Variants in DMBT1 observed in about 807,000 individuals in gnomAD.
DMBT1 encodes deleted in malignant brain tumors 1, also known as scavenger receptor cysteine-rich domain-containing protein DMBT1.
A neutral mutation model predicts 252.9 loss-of-function variants in DMBT1; 198 were observed. The ratio of observed to expected loss-of-function variants is 0.78; its 90% CI spans 0.70 to 0.88. The LOEUF (loss-of-function observed/expected upper bound fraction) is 0.88, where lower values mean the gene tolerates loss of function less well. Among genes scored for constraint, DMBT1 ranks in the 40% least tolerant of loss-of-function variants. The pLI, the probability that DMBT1 is intolerant of heterozygous loss-of-function variation, is 0.00. For synonymous variants in DMBT1, 990 were observed against 942.7 expected (o/e 1.05, Z -0.92); for missense variants, 2,432 against 2,404.7 (o/e 1.01, Z -0.24).
intron 20 of DMBT1, 118 bp downstream of exon 20, chr10:122,592,713 A>T: frequency 6.7e-7 from 1 of 1,491,076 alleles, no homozygotes; most frequent in Non-Finnish European, 9.0e-7. Flanking sequence ...ATATTTATGT[A>T]GTCTTGTTAG....
At chr10:122,618,375 G>A in intron 41 of DMBT1, 35 bp downstream of exon 41, 4 of 1,613,594 alleles carry the variant, frequency 2.5e-6, no homozygotes, top group South Asian at 1.1e-5. Flanking sequence ...CCTCTCTTAA[G>A]TTGAAGTTTG....
Position 122,630,273 on chromosome 10 carries a change from A to C in DMBT1, c.5823-15A>C. The stretch of plus-strand genomic sequence containing the variant: ...GGAATTTCAATGTTGACTTGAATAC[A>C]TTTTCTCCATACAGATTGGAGGCAC... On this transcript the variant is annotated splice_polypyrimidine_tract_variant and intron_variant, in intron 47 of 55. Transcript: ENST00000338354. 6.2e-7 allele frequency: 1 copy of C among 1,609,476 alleles called. No individual in the cohort carries two copies.
In DMBT1 at chr10:122,586,160, T is replaced by C. The variant is rs755558205; in HGVS notation, c.1560T>C (p.Asp520=). The change falls in exon 16 of 56, where the codon GAT becomes GAC. Residue 520 remains aspartate (D), a synonymous_variant. Transcript: ENST00000338354. ...GAGGCTCCTGGGGCACCGTGTGTGA[T>C]GACAGCTGGGACACCAATGATGCCA... ...LYRGSWGTVC[D]DSWDTNDANV... is the part of the protein sequence containing the mutation. 1.9e-6 allele frequency: 3 copies of C among 1,589,318 alleles called. No homozygotes were observed. Among genetic ancestry groups the C allele is most frequent in the Non-Finnish European group, 2.6e-6 (3 of 1,166,134 alleles).
At chr10:122,561,968 T>G (rs1031694486) in intron 1 of DMBT1, among the ~76,000 whole-genome samples, 21 of 151,892 alleles carry the variant, frequency 1.4e-4, no homozygotes, top group Non-Finnish European at 5.9e-5. Flanking sequence ...TCTCTCTCTA[T>G]CTGTTTCTCT....
chr10:122,617,564 A>C (rs920160699), intron 40 of DMBT1, among the ~76,000 whole-genome samples: 3 of 151,548 alleles, frequency 2.0e-5, no homozygotes, highest in African/African-American at 7.3e-5. Flanking sequence ...CCCTCTGACC[A>C]CGCACTGCAG....
At position 122,586,281 on chromosome 10, in the gene DMBT1, G is replaced by A. The variant is rs183424253; in HGVS notation, c.1681G>A (p.Val561Met). Residue 561 changes from valine to methionine, a missense_variant, in exon 16 of 56, where the codon GTG becomes ATG. By Grantham distance (21) the Val-to-Met change is conservative. Coordinates refer to ENST00000338354, the MANE Select transcript of DMBT1 (RefSeq NM_001377530.1). ...CTCAGGACCCATTGTCCTGGATGAC[G>A]TGCGCTGCTCAGGGAATGAGTCCTA... ...QGSGPIVLDD[V>M]RCSGNESYLW... is the part of the protein sequence containing the mutation. 107 of 1,588,698 alleles carry A rather than the reference G, an allele frequency of 6.7e-5. 1 individual carries two copies. In the African/African-American group the frequency reaches 1.2e-3, roughly 18 times the overall value.
chr10:122,600,089 T>C lies in DMBT1; in HGVS notation c.3306T>C (p.Ser1102=), dbSNP rs535950821. ...CTTCCCAGTCCCGGCCAACACCTAG[T>C]CCAGGTGGGTCCCCAGTGTCCTTCC... The part of the protein sequence containing the change: ...CSASQSRPTP[S]PDTWPTSHAS... Residue 1102 remains serine (S), a synonymous_variant, in exon 27 of 56, where the codon AGT becomes AGC. Transcript: ENST00000338354. The C allele has an allele frequency of 2.0e-5, 32 of 1,604,916 alleles. 3 individuals carry two copies. Among genetic ancestry groups the C allele is most frequent in the South Asian group, 1.2e-4 (11 of 89,930 alleles).
chr10:122,634,396 C>CT (rs1023651409), intron 52 of DMBT1, among the ~76,000 whole-genome samples: 1 of 133,654 alleles, frequency 7.5e-6, no homozygotes, highest in Non-Finnish European at 1.6e-5. Flanking sequence ...TTCTTTCTTT[C>CT]TTTCTTTTCT....
Position 122,630,269 on chromosome 10 carries a change from A to T in DMBT1, c.5823-19A>T. On this transcript the variant is annotated intron_variant, in intron 47 of 55. Transcript: ENST00000338354. Reference sequence around the variant, plus strand: ...AATAGGAATTTCAATGTTGACTTGAATACATTTTCTCCATACAGATTGGAG... The same window carrying T: ...AATAGGAATTTCAATGTTGACTTGATTACATTTTCTCCATACAGATTGGAG... 1 of 1,607,154 alleles carries T rather than the reference A, an allele frequency of 6.2e-7. No homozygotes were observed. The highest frequency in any genetic ancestry group is 8.5e-7 in the Non-Finnish European group (1 of 1,173,844).
chr10:122,576,778 A>G (rs755005359), intron 7 of DMBT1, 56 bp downstream of exon 7: 44 of 1,602,464 alleles, frequency 2.7e-5, no homozygotes, highest in Non-Finnish European at 3.2e-5. Context: ...TTTAATCCCC[A>G]CACTTTGGGA....
chr10:122,588,180 C>T (rs765083558), intron 16 of DMBT1, among the ~76,000 whole-genome samples: 2 of 148,684 alleles, frequency 1.3e-5, no homozygotes, highest in East Asian at 2.1e-4. Context: ...AATCTTCTCA[C>T]CCCCACTAGG....
chr10:122,625,245 G>A (rs1323190587), intron 44 of DMBT1, 32 bp from the exon 45 acceptor site: 2 of 1,606,430 alleles, frequency 1.2e-6, no homozygotes, highest in Non-Finnish European at 1.7e-6. Context: ...TGGGCACTGG[G>A]ACTGACTCAT....
At chr10:122,592,716 C>T in intron 20 of DMBT1, 121 bp downstream of exon 20, 1 of 1,475,354 alleles carries the variant, frequency 6.8e-7, no homozygotes, top group Non-Finnish European at 9.1e-7. Context: ...TTTATGTAGT[C>T]TTGTTAGCTC....
intron 51 of DMBT1, 88 bp from the exon 52 acceptor site, chr10:122,633,103 T>A: frequency 6.6e-7 from 1 of 1,526,256 alleles, no homozygotes; most frequent in Non-Finnish European, 8.8e-7. Flanking sequence ...TATAAAATTT[T>A]AAAGTAATTT....
chr10:122,590,807 AT>A, intron 18 of DMBT1, 113 bp downstream of exon 18: 2 of 1,319,856 alleles, frequency 1.5e-6, no homozygotes, highest in Non-Finnish European at 2.1e-6. Context: ...GGGTCATACT[AT>A]TTTCCCTGCT....
chr10:122,639,419 T>G (rs75876615), intron 54 of DMBT1, among the ~76,000 whole-genome samples: 1 of 151,524 alleles, frequency 6.6e-6, no homozygotes, highest in Non-Finnish European at 1.5e-5. Context: ...CGAAGAGAGA[T>G]AGGGGTGGGG....
intron 50 of DMBT1, 97 bp from the exon 51 acceptor site, chr10:122,632,764 C>T: frequency 6.6e-7 from 1 of 1,518,964 alleles, no homozygotes; most frequent in Non-Finnish European, 9.0e-7. Context: ...TCCCTGTGGA[C>T]TCAGGCTTGG....
Position 122,643,132 on chromosome 10 carries a change from G to A in DMBT1, c.7363G>A (p.Asp2455Asn), listed in dbSNP as rs1448278192. Residue 2455 changes from aspartate to asparagine, a missense_variant, in exon 56 of 56, where the codon GAT (aspartate) becomes AAT (asparagine). Physicochemically the swap from Asp to Asn is conservative, Grantham distance 23. Around this residue, in one of 3 missense-constraint regions of DMBT1, gnomAD observed 1,162 missense variants for 1,169.0 expected, o/e 0.99. Coordinates refer to ENST00000338354, the MANE Select transcript of DMBT1 (RefSeq NM_001377530.1). ...ACTGTTCTCTTCCAGATGCGTGAGG[G>A]ATGACACCTACGGACCCTACTCCTC... is the stretch of plus-strand genomic sequence containing the variant. Reference protein sequence around the residue: ...YDLIRSGCVRDDTYGPYSSPS... With the variant: ...YDLIRSGCVRNDTYGPYSSPS... 3.1e-6 allele frequency: 5 copies of A among 1,613,646 alleles called. No individual in the cohort carries two copies. Among genetic ancestry groups the A allele is most frequent in the Non-Finnish European group, 4.2e-6 (5 of 1,179,748 alleles).
At chr10:122,634,559 C>T (rs573255110) in intron 52 of DMBT1, among the ~76,000 whole-genome samples, 9 of 150,920 alleles carry the variant, frequency 6.0e-5, no homozygotes, top group South Asian at 4.2e-4. Flanking sequence ...TGTAGTGGCA[C>T]GGTCTCGGCT....
Sources: allele counts gnomAD v4.1 joint callset (sites outside exome capture counted in the v4.1 genomes callset), GRCh38; gene constraint gnomAD v4.1.1; regional missense constraint gnomAD v4.1.1; transcripts MANE v1.5; gene names NCBI Gene and HGNC (gene_info 2026-07-23, HGNC 2026-07-21).